Variants in ARIH1 observed in about 807,000 individuals in gnomAD.
ARIH1 encodes the protein ariadne RBR E3 ubiquitin protein ligase 1, also known as E3 ubiquitin-protein ligase ARIH1.
Under a neutral mutation model 85.0 loss-of-function variants are expected in ARIH1, and 8 were observed. The observed-to-expected ratio is 0.09, with a 90% CI of 0.06 to 0.17. ARIH1 has a LOEUF of 0.17. Among genes scored for constraint, ARIH1 ranks in the 10% least tolerant of loss-of-function variants. The pLI is 1.00. For missense variants in ARIH1, 311 were observed against 718.1 expected (o/e 0.43, Z 6.48); for synonymous variants, 238 against 253.6 (o/e 0.94, Z 0.59).
rs781325978 is a variant in ARIH1, at chr15:72,587,327, C to T, written c.*4035C>T. On this transcript the variant is annotated 3_prime_UTR_variant, in exon 14 of 14. Transcript: ENST00000379887. ...TCTTAACTATATTGTACTTTTAAAC[C>T]ACATTAAAGACTATTATAAATGCCT... The T allele has an allele frequency of 4.0e-6, 2 of 499,102 alleles. No homozygotes were observed. The highest frequency in any genetic ancestry group is 8.3e-6 in the Non-Finnish European group (2 of 240,476). The allele number at this position is 499,102 out of a possible 1,614,324, so 30.9% of individuals were successfully genotyped here. A position where few individuals can be genotyped will look rare whatever the true frequency, so the allele number is the denominator to read the frequency against.
At chr15:72,571,025 A>T (rs2064242293) in intron 10 of ARIH1, among the ~76,000 whole-genome samples, 1 of 147,962 alleles carries the variant, frequency 6.8e-6, no homozygotes, top group Non-Finnish European at 1.5e-5. Flanking sequence ...GCTACTCGGG[A>T]GGCTGAGGCA....
chr15:72,563,916 C>T lies in ARIH1; in HGVS notation c.911+416C>T, dbSNP rs560954742. ...TTTAACTAAGAGTTTTCCTGTGGCTCCTCTCGCCCAGCTTTCTTGGTAACT... is the reference window on the plus strand; with the variant it reads ...TTTAACTAAGAGTTTTCCTGTGGCTTCTCTCGCCCAGCTTTCTTGGTAACT... On this transcript the variant is annotated intron_variant, in intron 7 of 13. Transcript: ENST00000379887. Among the ~76,000 whole-genome samples, 16 of 152,216 alleles carry T rather than the reference C, an allele frequency of 1.1e-4. No individual in the cohort carries two copies. The East Asian group carries it at 3.1e-3, about 29-fold the overall frequency.
rs566826819 is a variant in ARIH1 at position 72,587,403 on chromosome 15, G to A, written c.*4111G>A. 23 of 357,644 alleles carry A rather than the reference G, an allele frequency of 6.4e-5. No individual in the cohort carries two copies. Among genetic ancestry groups the A allele is most frequent in the African/African-American group, 4.8e-4 (22 of 46,110 alleles). The allele number at this position is 357,644 out of a possible 1,614,324, so 22.2% of individuals were successfully genotyped here. A position where few individuals can be genotyped will look rare whatever the true frequency, so the allele number is the denominator to read the frequency against. On this transcript the variant is annotated 3_prime_UTR_variant, in exon 14 of 14. Transcript: ENST00000379887. Reference sequence around the variant, plus strand: ...CTATACTATCTCTGATCTTTCATTTGTTGCAGTTTGCAACACAGTAGTTGA... The same window carrying A: ...CTATACTATCTCTGATCTTTCATTTATTGCAGTTTGCAACACAGTAGTTGA...
rs772106339 is a variant in ARIH1 at position 72,555,875 on chromosome 15, T to G, written c.705T>G (p.Gly235=). 1.2e-6 allele frequency: 2 copies of G among 1,613,238 alleles called. No individual in the cohort carries two copies. Among genetic ancestry groups the G allele is most frequent in the African/African-American group, 2.7e-5 (2 of 74,928 alleles). ...AGACTATTTCGTGTCCTGCTCATGG[T>G]TGTGATATCTTAGTGGATGACAACA... ...MGQTISCPAH[G]CDILVDDNTV... Residue 235 remains glycine (G), a synonymous_variant, in exon 5 of 14, where the codon GGT becomes GGG. Transcript: ENST00000379887.
chr15:72,512,689 C>T (rs1201228618), intron 1 of ARIH1, among the ~76,000 whole-genome samples: 1 of 151,350 alleles, frequency 6.6e-6, no homozygotes, highest in African/African-American at 2.4e-5. Flanking sequence ...TGTTATGTCC[C>T]ACAACTTTGA....
intron 1 of ARIH1, among the ~76,000 whole-genome samples, chr15:72,490,663 A>G (rs1430387298): frequency 2.0e-5 from 3 of 151,958 alleles, no homozygotes; most frequent in East Asian, 1.9e-4. Context: ...GCCTAAATCT[A>G]TAGTCTGAGG....
intron 1 of ARIH1, among the ~76,000 whole-genome samples, chr15:72,495,502 T>C (rs1036784067): frequency 3.3e-5 from 5 of 152,238 alleles, no homozygotes; most frequent in African/African-American, 9.6e-5. Flanking sequence ...TCCATGTTCT[T>C]GATGGGTTAA....
chr15:72,547,241 T>TC (rs1555488090), intron 3 of ARIH1, among the ~76,000 whole-genome samples: 2 of 130,554 alleles, frequency 1.5e-5, no homozygotes, highest in African/African-American at 5.5e-5. Context: ...TCCTTTTCTC[T>TC]TTTTTTTTTG....
At chr15:72,515,865 C>T (rs1299545212) in intron 1 of ARIH1, among the ~76,000 whole-genome samples, 1 of 152,144 alleles carries the variant, frequency 6.6e-6, no homozygotes, top group Non-Finnish European at 1.5e-5. Flanking sequence ...TCTTAATCAT[C>T]AGTGATTTCA....
chr15:72,551,488 A>T (rs1005866601), intron 3 of ARIH1, among the ~76,000 whole-genome samples: 25 of 152,222 alleles, frequency 1.6e-4, no homozygotes, highest in African/African-American at 6.0e-4. Context: ...ACAGTCAAAT[A>T]TGCATAAGGA....
chr15:72,474,474 G>C lies in ARIH1; in HGVS notation c.-166G>C. On this transcript the variant is annotated 5_prime_UTR_variant, in exon 1 of 14. Coordinates refer to ENST00000379887, the MANE Select transcript of ARIH1 (RefSeq NM_005744.5). The stretch of plus-strand genomic sequence containing the variant: ...CTCCGCGCCCTCCCCGCCGCCACCA[G>C]CCGTCAAACGCCAACCGCCGCTCCT... The C allele has an allele frequency of 1.1e-6, 1 of 900,322 alleles. No homozygotes were observed. The highest frequency in any genetic ancestry group is 1.6e-6 in the Non-Finnish European group (1 of 628,542). The allele number at this position is 900,322 out of a possible 1,614,324, so 55.8% of individuals were successfully genotyped here.
chr15:72,484,747 A>G (rs561865584), intron 1 of ARIH1, among the ~76,000 whole-genome samples: 31 of 145,912 alleles, frequency 2.1e-4, no homozygotes, highest in African/African-American at 5.4e-4. Context: ...GTATATATAT[A>G]TGTGTGCATA....
At position 72,583,624 on chromosome 15, in the gene ARIH1, T is replaced by C. The variant is rs2064303458; in HGVS notation, c.*332T>C. 5.1e-6 allele frequency: 1 copy of C among 197,914 alleles called. No homozygotes were observed. The highest frequency in any genetic ancestry group is 1.5e-4 in the South Asian group (1 of 6,896). 12.3% of individuals were successfully genotyped at this position (197,914 alleles called of 1,614,324 possible). A position where few individuals can be genotyped will look rare whatever the true frequency, so the allele number is the denominator to read the frequency against. ...TCCTGAGTGTAGTACAGTTAAAATT[T>C]CAAACAGCTCCTTGACACTGCTTTT... On this transcript the variant is annotated 3_prime_UTR_variant, in exon 14 of 14. Transcript: ENST00000379887.
In ARIH1 at chr15:72,534,747, T is replaced by C. The variant is rs188371447; in HGVS notation, c.444-10073T>C. On this transcript the variant is annotated intron_variant, in intron 2 of 13. Coordinates refer to ENST00000379887, the MANE Select transcript of ARIH1 (RefSeq NM_005744.5). ...CCGGATTTGGGGTTTGAAAACCTTG[T>C]GTACATTCACTCCATTCTGTATGTC... is the stretch of plus-strand genomic sequence containing the variant. 4.6e-4 allele frequency among the ~76,000 whole-genome samples: 70 copies of C among 152,250 alleles called. 1 individual carries two copies. In the East Asian group the frequency reaches 0.012, roughly 26 times the overall value.
rs527950179 is a variant in ARIH1, at chr15:72,506,463, T to C, written c.376-11604T>C. On this transcript the variant is annotated intron_variant, in intron 1 of 13. Coordinates refer to ENST00000379887, the MANE Select transcript of ARIH1 (RefSeq NM_005744.5). ...GTGTGTTTTTCAGCCAATTGTAATA[T>C]GGGAATTGATGAACTGTCCATTTTT... Among the ~76,000 whole-genome samples the C allele has an allele frequency of 6.6e-5, 10 of 151,948 alleles. No individual in the cohort carries two copies. The South Asian group carries it at 1.2e-3, about 19-fold the overall frequency.
intron 2 of ARIH1, among the ~76,000 whole-genome samples, chr15:72,540,559 A>G (rs896783689): frequency 1.4e-4 from 21 of 152,026 alleles, no homozygotes; most frequent in Admixed American, 4.6e-4. Context: ...TGGGCCTACT[A>G]CCCCCAAGAA....
chr15:72,475,931 A>G (rs2140387599), intron 1 of ARIH1, among the ~76,000 whole-genome samples: 1 of 152,298 alleles, frequency 6.6e-6, no homozygotes, highest in East Asian at 1.9e-4. Context: ...TAGAAACTCA[A>G]AAGTTTTCAT....
intron 3 of ARIH1, among the ~76,000 whole-genome samples, chr15:72,548,932 G>A (rs2064141139): frequency 6.6e-6 from 1 of 152,098 alleles, no homozygotes; most frequent in Admixed American, 6.6e-5. Flanking sequence ...GTCCTGAGTG[G>A]CTGCTTCTTT....
At chr15:72,515,094 G>C (rs572815568) in intron 1 of ARIH1, among the ~76,000 whole-genome samples, 3 of 152,276 alleles carry the variant, frequency 2.0e-5, no homozygotes, top group Non-Finnish European at 4.4e-5. Flanking sequence ...CGAGCACTTT[G>C]GGAGGCCGAG....
Sources: allele counts gnomAD v4.1 joint callset (sites outside exome capture counted in the v4.1 genomes callset), GRCh38; gene constraint gnomAD v4.1.1; transcripts MANE v1.5; gene names NCBI Gene and HGNC (gene_info 2026-07-23, HGNC 2026-07-21).